Variants in C8A observed in about 807,000 individuals in gnomAD.
C8A encodes the protein complement C8 alpha chain.
Under a neutral mutation model 65.3 loss-of-function variants are expected in C8A, and 67 were observed. The ratio of observed to expected loss-of-function variants is 1.03; its 90% CI spans 0.84 to 1.26. C8A has a LOEUF of 1.26. C8A is among the 50% of genes most tolerant of loss of function. The pLI is 0.00. For missense variants in C8A, 781 were observed against 723.9 expected (o/e 1.08, Z -0.90); for synonymous variants, 290 against 259.4 (o/e 1.12, Z -1.13).
At chr1:56,909,271 C>G (rs568700195) in intron 9 of C8A, among the ~76,000 whole-genome samples, 3 of 152,296 alleles carry the variant, frequency 2.0e-5, no homozygotes, top group Non-Finnish European at 2.9e-5. Flanking sequence ...ATTTTCTCCC[C>G]ACCCTTGCCT....
Position 56,883,635 on chromosome 1 carries a change from C to T in C8A, c.809C>T (p.Ser270Leu), listed in dbSNP as rs1235076031. ...PLLVGVGVSHSQDTSFLNELN... is the reference protein window; with the variant it reads ...PLLVGVGVSHLQDTSFLNELN... ...TTGGTGGGTGTAGGTGTATCCCACT[C>T]ACAAGACACTTCATTCTTGAACGAA... The change falls in exon 6 of 11, where the codon TCA becomes TTA. Residue 270 changes from serine to leucine, a missense_variant. Physicochemically the swap from Ser to Leu is moderately radical, Grantham distance 145. Coordinates refer to ENST00000361249, the MANE Select transcript of C8A (RefSeq NM_000562.3). The T allele has an allele frequency of 4.3e-6, 7 of 1,613,842 alleles. No individual in the cohort carries two copies. The highest frequency in any genetic ancestry group is 1.7e-4 in the Middle Eastern group (1 of 6,058).
At chr1:56,909,292 A>G (rs958766600) in intron 9 of C8A, among the ~76,000 whole-genome samples, 1 of 152,194 alleles carries the variant, frequency 6.6e-6, no homozygotes, top group Non-Finnish European at 1.5e-5. Context: ...ATTTTTCTAC[A>G]TATATTTAAA....
intron 2 of C8A, among the ~76,000 whole-genome samples, chr1:56,874,201 C>G (rs928871493): frequency 4.6e-5 from 7 of 152,244 alleles, no homozygotes; most frequent in Non-Finnish European, 1.5e-5. Flanking sequence ...CCAGAGAGAA[C>G]TTGATTGGAT....
intron 4 of C8A, among the ~76,000 whole-genome samples, chr1:56,880,002 T>C (rs186034514): frequency 2.1e-4 from 32 of 152,272 alleles, no homozygotes; most frequent in Admixed American, 1.4e-3. Flanking sequence ...AACAGCAGTC[T>C]TTCCAGAGCA....
At chr1:56,891,492 C>T (rs987082986) in intron 7 of C8A, among the ~76,000 whole-genome samples, 3 of 152,038 alleles carry the variant, frequency 2.0e-5, no homozygotes, top group African/African-American at 7.2e-5. Context: ...ATTCTATTGC[C>T]ATGTAGAACA....
chr1:56,903,068 G>T (rs1206928811), intron 7 of C8A, among the ~76,000 whole-genome samples: 1 of 152,052 alleles, frequency 6.6e-6, no homozygotes, highest in African/African-American at 2.4e-5. Flanking sequence ...ATTTCTCACT[G>T]TGCTTATTCA....
chr1:56,909,475 G>A (rs1644490397), intron 9 of C8A, among the ~76,000 whole-genome samples: 1 of 152,098 alleles, frequency 6.6e-6, no homozygotes, highest in Non-Finnish European at 1.5e-5. Flanking sequence ...TTCACATAAG[G>A]TTTGAAAATT....
intron 3 of C8A, 104 bp from the exon 4 acceptor site, chr1:56,875,958 C>T: frequency 7.0e-7 from 1 of 1,433,956 alleles, no homozygotes; most frequent in Non-Finnish European, 9.6e-7. Context: ...GAGAATGGGA[C>T]AGATGGGAGG....
chr1:56,860,658 G>C (rs1483182331), intron 1 of C8A, among the ~76,000 whole-genome samples: 1 of 152,134 alleles, frequency 6.6e-6, no homozygotes, highest in Non-Finnish European at 1.5e-5. Flanking sequence ...ATGTCTAAGA[G>C]GCATTTGATA....
At chr1:56,868,368 G>A (rs1377951917) in intron 2 of C8A, among the ~76,000 whole-genome samples, 1 of 151,298 alleles carries the variant, frequency 6.6e-6, no homozygotes, top group African/African-American at 2.4e-5. Context: ...AAGCACTTTG[G>A]GAGGCTGAGG....
chr1:56,868,378 G>T (rs1315100506), intron 2 of C8A, among the ~76,000 whole-genome samples: 1 of 151,448 alleles, frequency 6.6e-6, no homozygotes, highest in African/African-American at 2.4e-5. Flanking sequence ...GGAGGCTGAG[G>T]CAAGAGGATT....
intron 7 of C8A, among the ~76,000 whole-genome samples, chr1:56,899,079 C>G (rs79199710): frequency 1.3e-5 from 2 of 152,234 alleles, no homozygotes; most frequent in East Asian, 3.9e-4. Context: ...ACCATGACAA[C>G]CAGTCTTCAC....
chr1:56,910,219 G>C (rs1228845386), intron 9 of C8A, among the ~76,000 whole-genome samples: 1 of 152,138 alleles, frequency 6.6e-6, no homozygotes, highest in African/African-American at 2.4e-5. Context: ...GTGAATGTAG[G>C]AGTCCTGCTA....
chr1:56,887,011 G>C (rs1644305402), intron 7 of C8A, among the ~76,000 whole-genome samples: 1 of 152,088 alleles, frequency 6.6e-6, no homozygotes, highest in African/African-American at 2.4e-5. Flanking sequence ...ATGTTCACCA[G>C]GTGATTCTGA....
intron 10 of C8A, among the ~76,000 whole-genome samples, chr1:56,913,043 G>GTCCCTC (rs1249991228): frequency 6.6e-6 from 1 of 152,156 alleles, no homozygotes; most frequent in Non-Finnish European, 1.5e-5. Context: ...TGTGGTTCAA[G>GTCCCTC]TCCCTCTCCT....
intron 7 of C8A, among the ~76,000 whole-genome samples, chr1:56,897,877 C>A (rs1006743916): frequency 3.9e-5 from 6 of 152,138 alleles, no homozygotes; most frequent in South Asian, 2.1e-4. Context: ...GTGAGACACA[C>A]AGAGCCCTTC....
chr1:56,912,269 G>C, intron 9 of C8A, 134 bp from the exon 10 acceptor site: 1 of 718,238 alleles, frequency 1.4e-6, no homozygotes, highest in Non-Finnish European at 2.4e-6. Flanking sequence ...GATCCAAGGT[G>C]GTGGGATAAA....
At chr1:56,873,184 G>C (rs557924911) in intron 2 of C8A, among the ~76,000 whole-genome samples, 1 of 152,298 alleles carries the variant, frequency 6.6e-6, no homozygotes, top group South Asian at 2.1e-4. Context: ...AAGAAGAGAA[G>C]TGAGCTGCAC....
At chr1:56,870,977 G>C (rs1330923143) in intron 2 of C8A, among the ~76,000 whole-genome samples, 1 of 152,094 alleles carries the variant, frequency 6.6e-6, no homozygotes, top group Non-Finnish European at 1.5e-5. Flanking sequence ...GCATGGAGAA[G>C]TCCCTAAGGG....
Sources: allele counts gnomAD v4.1 joint callset (sites outside exome capture counted in the v4.1 genomes callset), GRCh38; gene constraint gnomAD v4.1.1; transcripts MANE v1.5; gene names NCBI Gene and HGNC (gene_info 2026-07-23, HGNC 2026-07-21).